RLF: variants seen among roughly 807,000 people sequenced by gnomAD.
The protein encoded by RLF is zinc finger protein Rlf.
RLF carries 7 observed loss-of-function variants against 162.9 expected under a neutral mutation model. The observed-to-expected ratio is 0.04, with a 90% CI of 0.02 to 0.08. The LOEUF is 0.08. RLF is among the 10% of genes least tolerant of loss of function. The probability of loss-of-function intolerance (pLI) is 1.00; values close to 1 mark genes in which losing one functional copy is unlikely to be tolerated. For missense variants in RLF, 1,664 were observed against 2,244.7 expected, an observed-to-expected ratio of 0.74 and a Z score of 5.23; for synonymous variants, 782 against 791.5, an observed-to-expected ratio of 0.99 and a Z score of 0.20.
At chr1:40,171,558 G>A (rs67879838) in intron 1 of RLF, among the ~76,000 whole-genome samples, 6,374 of 152,118 alleles carry the variant, frequency 0.042, 201 homozygotes, top group South Asian at 0.12. Context: ...AATATATAAA[G>A]TATCCTAAAG....
chr1:40,192,411 T>A (rs1642571109), intron 3 of RLF, among the ~76,000 whole-genome samples: 1 of 152,190 alleles, frequency 6.6e-6, no homozygotes, highest in East Asian at 1.9e-4. Flanking sequence ...AATCTGAAAA[T>A]CCGAAATGCT....
chr1:40,232,795 C>T (rs1288574724), intron 7 of RLF, among the ~76,000 whole-genome samples: 7 of 152,174 alleles, frequency 4.6e-5, no homozygotes, highest in African/African-American at 1.7e-4. Context: ...GCTTCAAACT[C>T]CTTGGCTCAA....
At chr1:40,196,253 T>A (rs1422413336) in intron 4 of RLF, among the ~76,000 whole-genome samples, 1 of 151,874 alleles carries the variant, frequency 6.6e-6, no homozygotes, top group Non-Finnish European at 1.5e-5. Context: ...TTGTATTTTT[T>A]AGTAGAGACG....
intron 6 of RLF, among the ~76,000 whole-genome samples, chr1:40,224,622 GCTT>G (rs1643042284): frequency 7.4e-5 from 1 of 13,516 alleles, no homozygotes; most frequent in African/African-American, 2.6e-4. Context: ...GTTTTTGAAA[GCTT>G]TTTTTTTTTT....
intron 1 of RLF, among the ~76,000 whole-genome samples, chr1:40,162,584 G>A (rs2124520605): frequency 6.6e-6 from 1 of 152,320 alleles, no homozygotes; most frequent in East Asian, 1.9e-4. Flanking sequence ...CTAATAAGTA[G>A]TCCAGTATGC....
rs1229412159 is a variant in RLF, at chr1:40,212,584, T to G, written c.810+9970T>G. Among the ~76,000 whole-genome samples, 4 of 152,174 alleles carry G rather than the reference T, an allele frequency of 2.6e-5. No homozygotes were observed. In the East Asian group the frequency reaches 7.7e-4, roughly 29 times the overall value. On this transcript the variant is annotated intron_variant, in intron 5 of 7. Transcript: ENST00000372771. The stretch of plus-strand genomic sequence containing the variant: ...ACATTTTAAACATCAAGCACTTCTA[T>G]TTTAAAGAGCTCAAGAAATCTGTCA...
chr1:40,211,343 GC>G (rs1232877407), intron 5 of RLF, among the ~76,000 whole-genome samples: 1 of 152,202 alleles, frequency 6.6e-6, no homozygotes, highest in Non-Finnish European at 1.5e-5. Flanking sequence ...CAGCTGGAAT[GC>G]AGGTCACCTG....
In RLF at chr1:40,195,017, T is replaced by G. The variant is rs1008596743; in HGVS notation, c.475-615T>G. On this transcript the variant is annotated intron_variant, in intron 3 of 7. Transcript: ENST00000372771. ...CCCGGCTAATTTTTTGTATTTTTGG[T>G]AGAGACAGAGTTTTGTCATTTTGGC... is the stretch of plus-strand genomic sequence containing the variant. Among the ~76,000 whole-genome samples the G allele has an allele frequency of 2.0e-5, 3 of 151,564 alleles. 1 individual carries two copies. The Middle Eastern group carries it at 0.01, about 516-fold the overall frequency.
intron 6 of RLF, among the ~76,000 whole-genome samples, chr1:40,226,744 T>G (rs546935931): frequency 1.6e-4 from 25 of 152,326 alleles, no homozygotes; most frequent in Admixed American, 1.4e-3. Flanking sequence ...ACAGTTTTAT[T>G]TACTTCATTC....
intron 1 of RLF, among the ~76,000 whole-genome samples, chr1:40,164,294 C>G (rs940812558): frequency 6.6e-6 from 1 of 152,182 alleles, no homozygotes; most frequent in Non-Finnish European, 1.5e-5. Flanking sequence ...ACCATATTCT[C>G]TCCAACTCTT....
chr1:40,164,582 G>A (rs948132782), intron 1 of RLF, among the ~76,000 whole-genome samples: 1 of 152,188 alleles, frequency 6.6e-6, no homozygotes, highest in African/African-American at 2.4e-5. Context: ...GCCAGACAGT[G>A]TGGATAAGAT....
Position 40,238,709 on chromosome 1 carries a change from A to T in RLF, c.4007A>T (p.Gln1336Leu). The T allele has an allele frequency of 6.2e-7, 1 of 1,613,978 alleles. No homozygotes were observed. The highest frequency in any genetic ancestry group is 8.5e-7 in the Non-Finnish European group (1 of 1,179,872). ...GLIRHYRTVH[Q>L]YNKEQLCLEK... ...ATTCGCCATTACAGAACTGTACATC[A>T]GTACAACAAAGAACAGTTATGTTTG... Residue 1336 changes from glutamine (Q) to leucine (L), a missense_variant, in exon 8 of 8, where the codon CAG becomes CTG. Coordinates refer to ENST00000372771, the MANE Select transcript of RLF (RefSeq NM_012421.4). This position sits in a 1 kb window ranked among gnomAD's most constrained non-coding sequence, Gnocchi z 5.2.
At chr1:40,185,656 CAAA>C (rs1163398364) in intron 1 of RLF, among the ~76,000 whole-genome samples, 6 of 38,748 alleles carry the variant, frequency 1.5e-4, no homozygotes, top group African/African-American at 5.3e-4. Context: ...ACTAAAAATA[CAAA>C]AAAAAAAAAA....
chr1:40,188,120 T>C (rs1642506446), intron 1 of RLF, among the ~76,000 whole-genome samples: 1 of 152,078 alleles, frequency 6.6e-6, no homozygotes, highest in Non-Finnish European at 1.5e-5. Flanking sequence ...CAATTAAGAA[T>C]AGGCAAAACC....
At chr1:40,234,626 A>G (rs925123468) in intron 7 of RLF, among the ~76,000 whole-genome samples, 8 of 152,352 alleles carry the variant, frequency 5.3e-5, no homozygotes, top group African/African-American at 1.9e-4. Context: ...TTATCATTTT[A>G]CCAATAAGGA....
At position 40,161,494 on chromosome 1, in the gene RLF, C is replaced by T. The variant is rs1209063965; in HGVS notation, c.95C>T (p.Ser32Phe). 1 of 1,600,314 alleles carries T rather than the reference C, an allele frequency of 6.2e-7. No homozygotes were observed. Reference sequence around the variant, plus strand: ...GCCGGAGATGGAGTCGAGACTGAGTCCATGGTTCGGGGTCATCGCCCCGTA... The same window carrying T: ...GCCGGAGATGGAGTCGAGACTGAGTTCATGGTTCGGGGTCATCGCCCCGTA... The part of the protein sequence containing the change: ...AGAGDGVETE[S>F]MVRGHRPVSP... The change falls in exon 1 of 8, where the codon TCC becomes TTC. Residue 32 changes from serine (S) to phenylalanine (F), a missense_variant. Physicochemically the swap from Ser to Phe is radical, Grantham distance 155. This residue lies in a region of RLF where 134 missense variants were observed against 124.3 expected (regional missense o/e 1.08). Coordinates refer to ENST00000372771, the MANE Select transcript of RLF (RefSeq NM_012421.4). The surrounding 1 kb of genome is among the most constrained non-coding windows in gnomAD (Gnocchi z 4.4).
intron 6 of RLF, among the ~76,000 whole-genome samples, chr1:40,224,726 C>T (rs893088443): frequency 7.5e-6 from 1 of 133,576 alleles, no homozygotes; most frequent in African/African-American, 2.8e-5. Context: ...ATGGCTCATG[C>T]CTGTAATCTC....
chr1:40,222,122 A>G (rs1164072354), intron 5 of RLF, among the ~76,000 whole-genome samples: 1 of 152,164 alleles, frequency 6.6e-6, no homozygotes, highest in Non-Finnish European at 1.5e-5. Flanking sequence ...TTGTATTTAA[A>G]GCAGTTCCTG....
At chr1:40,233,403 T>G (rs1643177065) in intron 7 of RLF, among the ~76,000 whole-genome samples, 1 of 152,204 alleles carries the variant, frequency 6.6e-6, no homozygotes, top group African/African-American at 2.4e-5. Flanking sequence ...TGGCCATTCT[T>G]TGCTGTCCAC....
Sources: allele counts gnomAD v4.1 joint callset (sites outside exome capture counted in the v4.1 genomes callset), GRCh38; gene constraint gnomAD v4.1.1; regional missense constraint gnomAD v4.1.1; non-coding constraint Gnocchi (gnomAD v3.1); transcripts MANE v1.5; gene names NCBI Gene and HGNC (gene_info 2026-07-23, HGNC 2026-07-21).